PCLO: variants seen among roughly 807,000 people sequenced by gnomAD.
PCLO encodes the protein piccolo presynaptic cytomatrix protein, also known as protein piccolo.
In PCLO, 82 loss-of-function variants were observed where a neutral mutation model predicts 427.5. The ratio of observed to expected loss-of-function variants is 0.19; its 90% CI spans 0.16 to 0.23. The LOEUF (loss-of-function observed/expected upper bound fraction) is 0.23, where lower values mean the gene tolerates loss of function less well. PCLO is among the 10% of genes least tolerant of loss of function. The probability of loss-of-function intolerance (pLI) is 1.00; values close to 1 mark genes in which losing one functional copy is unlikely to be tolerated. For synonymous variants in PCLO, 2,357 were observed against 2,155.4 expected (o/e 1.09, Z -2.59); for missense variants, 6,239 against 6,115.9 (o/e 1.02, Z -0.67).
At chr7:82,979,290 T>C (rs2115761889) in intron 3 of PCLO, among the ~76,000 whole-genome samples, 2 of 152,286 alleles carry the variant, frequency 1.3e-5, no homozygotes, top group Non-Finnish European at 2.9e-5. Context: ...GAAACGATCA[T>C]GGAAAATTAT....
chr7:82,756,879 A>C lies in PCLO; in HGVS notation c.*1696T>G, dbSNP rs1324521822. The C allele has an allele frequency of 5.3e-5, 8 of 152,110 alleles. No homozygotes were observed. The highest frequency in any genetic ancestry group is 1.0e-4 in the Non-Finnish European group (7 of 68,000). The allele number at this position is 152,110 out of a possible 1,614,324, so 9.4% of individuals were successfully genotyped here. Reference sequence around the variant, plus strand: ...AGGTTAAAGTTTATATTTTAAATAAAAAATAAGTTTTGTGGCTAATTTACT... The same window carrying C: ...AGGTTAAAGTTTATATTTTAAATAACAAATAAGTTTTGTGGCTAATTTACT... On this transcript the variant is annotated 3_prime_UTR_variant, in exon 25 of 25. Coordinates refer to ENST00000333891, the MANE Select transcript of PCLO (RefSeq NM_033026.6).
chr7:82,978,854 ACAAACACACACAC>A (rs1796083326), intron 3 of PCLO, among the ~76,000 whole-genome samples: 7 of 100,060 alleles, frequency 7.0e-5, no homozygotes, highest in African/African-American at 2.4e-4. Context: ...ACACACACAC[ACAAACACACACAC>A]ACACACACAC....
At chr7:82,761,516 C>G (rs748981501) in intron 22 of PCLO, 23 bp from the exon 23 acceptor site, 4 of 1,560,334 alleles carry the variant, frequency 2.6e-6, no homozygotes, top group Non-Finnish European at 2.6e-6. Context: ...AATAAAAATG[C>G]AAAGAAGTAT....
chr7:83,039,163 G>A (rs1788907318), intron 3 of PCLO, among the ~76,000 whole-genome samples: 2 of 151,786 alleles, frequency 1.3e-5, no homozygotes, highest in Admixed American at 6.6e-5. Flanking sequence ...CCATTTTGTG[G>A]GTTGTCTGTT....
intron 21 of PCLO, among the ~76,000 whole-genome samples, chr7:82,804,114 A>G (rs1214974053): frequency 1.3e-5 from 2 of 152,178 alleles, no homozygotes; most frequent in East Asian, 3.9e-4. Flanking sequence ...AATTCACATG[A>G]CATTTACAGC....
chr7:82,990,170 A>C (rs1225138301), intron 3 of PCLO, among the ~76,000 whole-genome samples: 1 of 152,146 alleles, frequency 6.6e-6, no homozygotes, highest in Non-Finnish European at 1.5e-5. Flanking sequence ...CCAGAGAGTC[A>C]ATGAATTCAC....
Position 83,029,347 on chromosome 7 carries a change from A to G in PCLO, c.3301-62860T>C, listed in dbSNP as rs1452416696. Among the ~76,000 whole-genome samples the G allele has an allele frequency of 1.1e-4, 16 of 152,034 alleles. No individual in the cohort carries two copies. The South Asian group carries it at 2.1e-3, about 20-fold the overall frequency. On this transcript the variant is annotated intron_variant, in intron 3 of 24. Transcript: ENST00000333891. ...AAAGAAGACATTTATGCAGCAAAAA[A>G]ACACATGAAAAAATGCTCATCATCA...
chr7:82,953,696 T>TGGTGGA lies in PCLO; in HGVS notation c.7251_7256dup (p.Pro2425_Pro2426dup), dbSNP rs1795424006. The TGGTGGA allele has an allele frequency of 4.4e-6, 2 of 459,768 alleles. No individual in the cohort carries two copies. The highest frequency in any genetic ancestry group is 6.7e-6 in the Non-Finnish European group (2 of 297,328). 28.5% of individuals were successfully genotyped at this position (459,768 alleles called of 1,614,324 possible). ...GAAGTGGTGGGGGAGGAGGGGGTGG[T>TGGTGGA]GGTGGAGGAGGAGGAGGAGGGGGAG... is the stretch of plus-strand genomic sequence containing the variant. On this transcript the variant is annotated inframe_insertion, in exon 5 of 25. Coordinates refer to ENST00000333891, the MANE Select transcript of PCLO (RefSeq NM_033026.6).
chr7:83,040,114 T>A (rs758567506), intron 3 of PCLO, among the ~76,000 whole-genome samples: 1 of 152,002 alleles, frequency 6.6e-6, no homozygotes, highest in Non-Finnish European at 1.5e-5. Flanking sequence ...AGAATATAGG[T>A]CATGTTTTCT....
intron 14 of PCLO, among the ~76,000 whole-genome samples, chr7:82,839,826 G>A (rs1792321715): frequency 6.6e-6 from 1 of 152,032 alleles, no homozygotes; most frequent in Admixed American, 6.6e-5. Flanking sequence ...TTCAATCACA[G>A]CGACTCCAGT....
intron 3 of PCLO, among the ~76,000 whole-genome samples, chr7:83,025,622 C>T (rs928911958): frequency 1.3e-4 from 20 of 151,722 alleles, no homozygotes; most frequent in African/African-American, 1.9e-4. Context: ...AGATACTCCT[C>T]GAGAAGAGCA....
At chr7:82,943,353 C>T (rs1246276910) in intron 6 of PCLO, among the ~76,000 whole-genome samples, 1 of 151,910 alleles carries the variant, frequency 6.6e-6, no homozygotes, top group African/African-American at 2.4e-5. Flanking sequence ...CTTTTAAGGC[C>T]ACAGAGAGGT....
intron 6 of PCLO, among the ~76,000 whole-genome samples, chr7:82,946,704 G>A (rs756614868): frequency 1.1e-4 from 17 of 152,158 alleles, no homozygotes; most frequent in Non-Finnish European, 1.8e-4. Context: ...AGTGATCAAT[G>A]AGGTCATGAA....
At chr7:82,805,663 T>C in intron 21 of PCLO, 25 bp downstream of exon 21, 1 of 1,608,726 alleles carries the variant, frequency 6.2e-7, no homozygotes, top group Non-Finnish European at 8.5e-7. Flanking sequence ...GTAAGCTTTG[T>C]AGTAACAAAA....
At chr7:83,053,764 A>G (rs1217659162) in intron 3 of PCLO, among the ~76,000 whole-genome samples, 1 of 151,848 alleles carries the variant, frequency 6.6e-6, no homozygotes, top group African/African-American at 2.4e-5. Context: ...ATTACTTCCT[A>G]GGCTGCAATA....
chr7:82,914,067 A>G lies in PCLO; in HGVS notation c.13300+619T>C, dbSNP rs370248512. Among the ~76,000 whole-genome samples, 3 of 152,154 alleles carry G rather than the reference A, an allele frequency of 2.0e-5. 1 individual carries two copies. On this transcript the variant is annotated intron_variant, in intron 7 of 24. Transcript: ENST00000333891. ...TATAATGCAAAATTACAAATTTGTA[A>G]ATAATAGTATTCATAATGAGAGAGA... is the stretch of plus-strand genomic sequence containing the variant.
chr7:83,109,177 T>C (rs2116516360), intron 3 of PCLO, among the ~76,000 whole-genome samples: 1 of 152,276 alleles, frequency 6.6e-6, no homozygotes, highest in Non-Finnish European at 1.5e-5. Context: ...ACCTTAATCC[T>C]GTTCCTTGCC....
At chr7:82,761,288 T>G (rs983120740) in intron 23 of PCLO, 71 bp downstream of exon 23, 1 of 863,384 alleles carries the variant, frequency 1.2e-6, no homozygotes, top group Admixed American at 3.1e-5. Context: ...TTAGTTAACA[T>G]TTTCCAGAAT....
rs575346692 is a variant in PCLO at position 82,957,439 on chromosome 7, C to T, written c.4018-504G>A. On this transcript the variant is annotated intron_variant, in intron 4 of 24. Coordinates refer to ENST00000333891, the MANE Select transcript of PCLO (RefSeq NM_033026.6). ...AACAAAAAAAAAGCAAATAACATGT[C>T]ATAATAACATATATGCCATGTACCA... Among the ~76,000 whole-genome samples the T allele has an allele frequency of 2.0e-5, 3 of 152,210 alleles. No homozygotes were observed. The South Asian group carries it at 6.2e-4, about 32-fold the overall frequency.
Sources: gnomAD v4.1 joint callset for allele counts (sites outside exome capture counted in the v4.1 genomes callset) on GRCh38, gnomAD v4.1.1 for gene constraint, MANE v1.5 for transcripts, NCBI Gene and HGNC (gene_info 2026-07-23, HGNC 2026-07-21) for gene names.